The following MDGA2 variants were observed in gnomAD, a reference collection of about 807,000 sequenced individuals.
The protein encoded by MDGA2 is MAM domain containing glycosylphosphatidylinositol anchor 2.
A neutral mutation model predicts 117.8 loss-of-function variants in MDGA2; 40 were observed. That is an observed-to-expected ratio of 0.34 (90% CI 0.26 to 0.44). MDGA2 has a LOEUF of 0.44. Ranked by LOEUF, MDGA2 falls within the 20% of genes least tolerant of loss-of-function variation. The pLI, the probability that MDGA2 is intolerant of heterozygous loss-of-function variation, is 1.00. For synonymous variants in MDGA2, 452 were observed against 439.0 expected (o/e 1.03, Z -0.37); for missense variants, 1,123 against 1,250.6 (o/e 0.90, Z 1.54).
intron 2 of MDGA2, among the ~76,000 whole-genome samples, chr14:47,251,965 T>C (rs1887462518): frequency 6.6e-6 from 1 of 151,928 alleles, no homozygotes; most frequent in Non-Finnish European, 1.5e-5. Flanking sequence ...TTGGTGGTGG[T>C]TTGCAGGAAA....
chr14:47,339,943 C>T (rs540386881), intron 1 of MDGA2, among the ~76,000 whole-genome samples: 3 of 152,134 alleles, frequency 2.0e-5, no homozygotes, highest in East Asian at 3.9e-4. Context: ...AATGCCAGTC[C>T]TATTCTGAAT....
intron 1 of MDGA2, among the ~76,000 whole-genome samples, chr14:47,426,604 T>G (rs114761102): frequency 1.1e-3 from 172 of 150,954 alleles, no homozygotes; most frequent in African/African-American, 4.1e-3. Flanking sequence ...ATATGCAGAT[T>G]AATATTTTGT....
intron 1 of MDGA2, among the ~76,000 whole-genome samples, chr14:47,649,081 A>G (rs1388778435): frequency 2.6e-5 from 4 of 152,144 alleles, no homozygotes; most frequent in Admixed American, 6.5e-5. Flanking sequence ...CATCATATAA[A>G]ATATTTGTAT....
At chr14:46,990,196 T>C (rs576500658) in intron 8 of MDGA2, among the ~76,000 whole-genome samples, 8 of 152,060 alleles carry the variant, frequency 5.3e-5, no homozygotes, top group Non-Finnish European at 1.0e-4. Context: ...TGAGATATCA[T>C]ATATGAAGCA....
chr14:47,405,130 A>G (rs1013056436), intron 1 of MDGA2, among the ~76,000 whole-genome samples: 2 of 152,220 alleles, frequency 1.3e-5, no homozygotes, highest in East Asian at 1.9e-4. Flanking sequence ...CATTATGCTT[A>G]TGTAAAAATG....
chr14:47,054,644 C>A (rs887005240), intron 7 of MDGA2, among the ~76,000 whole-genome samples: 1 of 151,674 alleles, frequency 6.6e-6, no homozygotes, highest in East Asian at 1.9e-4. Flanking sequence ...GGTACTGGTA[C>A]CAAAACAGAG....
At chr14:46,851,161 T>C (rs1359635794) in intron 15 of MDGA2, among the ~76,000 whole-genome samples, 1 of 151,850 alleles carries the variant, frequency 6.6e-6, no homozygotes, top group Non-Finnish European at 1.5e-5. Context: ...TAAATGAATA[T>C]GTAAGAGCAG....
chr14:46,971,886 T>C (rs1886280273), intron 8 of MDGA2, among the ~76,000 whole-genome samples: 3 of 152,198 alleles, frequency 2.0e-5, no homozygotes, highest in Non-Finnish European at 2.9e-5. Context: ...TATATTGTTA[T>C]CAGTACAATT....
chr14:47,581,083 T>C (rs1337276543), intron 1 of MDGA2, among the ~76,000 whole-genome samples: 5 of 152,028 alleles, frequency 3.3e-5, no homozygotes. Context: ...CTTTAAAAGC[T>C]TTTATCCCTT....
chr14:47,570,274 C>G (rs1319301202), intron 1 of MDGA2, among the ~76,000 whole-genome samples: 2 of 152,036 alleles, frequency 1.3e-5, no homozygotes, highest in Non-Finnish European at 1.5e-5. Context: ...ATTCTTGGTG[C>G]AAATGTAATT....
chr14:47,206,980 A>G (rs1030325144), intron 3 of MDGA2, among the ~76,000 whole-genome samples: 1 of 152,102 alleles, frequency 6.6e-6, no homozygotes, highest in Non-Finnish European at 1.5e-5. Flanking sequence ...AGAAGGATGA[A>G]GATAAAAATT....
chr14:47,125,756 A>T (rs1002440413), intron 5 of MDGA2, among the ~76,000 whole-genome samples: 1 of 152,074 alleles, frequency 6.6e-6, no homozygotes, highest in Non-Finnish European at 1.5e-5. Context: ...GCTAAGGTAG[A>T]GCAGACTAAA....
At chr14:47,388,269 A>G (rs1350934722) in intron 1 of MDGA2, among the ~76,000 whole-genome samples, 1 of 152,192 alleles carries the variant, frequency 6.6e-6, no homozygotes, top group Admixed American at 6.5e-5. Flanking sequence ...TTCCTTTTCT[A>G]AAATCTAGTC....
At chr14:47,049,459 A>G (rs888823286) in intron 7 of MDGA2, among the ~76,000 whole-genome samples, 1 of 152,096 alleles carries the variant, frequency 6.6e-6, no homozygotes, top group Non-Finnish European at 1.5e-5. Flanking sequence ...TGTAAATGCT[A>G]TTTAATAGTA....
At chr14:46,858,428 C>CTTTTTTTTTTTT (rs71112466) in intron 14 of MDGA2, among the ~76,000 whole-genome samples, 3 of 123,834 alleles carry the variant, frequency 2.4e-5, no homozygotes, top group Admixed American at 8.2e-5. Context: ...TTCTTTTTTT[C>CTTTTTTTTTTTT]TTTTTTTTTT....
intron 8 of MDGA2, among the ~76,000 whole-genome samples, chr14:46,964,514 G>A (rs1885937809): frequency 6.6e-6 from 1 of 152,172 alleles, no homozygotes; most frequent in Non-Finnish European, 1.5e-5. Flanking sequence ...AACTCATAGG[G>A]GAAGACAGCC....
At chr14:47,040,387 ATAACATAT>A (rs1889021862) in intron 7 of MDGA2, among the ~76,000 whole-genome samples, 1 of 152,116 alleles carries the variant, frequency 6.6e-6, no homozygotes, top group Admixed American at 6.6e-5. Flanking sequence ...ATAGTGCATA[ATAACATAT>A]TACAGGGCCC....
At chr14:47,151,424 G>T (rs1217990654) in intron 3 of MDGA2, among the ~76,000 whole-genome samples, 1 of 152,150 alleles carries the variant, frequency 6.6e-6, no homozygotes, top group Non-Finnish European at 1.5e-5. Context: ...AGAGTTTTAT[G>T]ATAAGGACTT....
At chr14:46,932,584 G>A (rs1364971559) in intron 9 of MDGA2, among the ~76,000 whole-genome samples, 1 of 151,914 alleles carries the variant, frequency 6.6e-6, no homozygotes, top group Non-Finnish European at 1.5e-5. Context: ...CCACTAGAAA[G>A]GCAAAGATAA....
Sources: allele counts gnomAD v4.1 joint callset (sites outside exome capture counted in the v4.1 genomes callset), GRCh38; gene constraint gnomAD v4.1.1; transcripts MANE v1.5; gene names NCBI Gene and HGNC (gene_info 2026-07-23, HGNC 2026-07-21).